Variants in GUCY1A2 observed in about 807,000 individuals in gnomAD.
GUCY1A2 encodes guanylate cyclase 1 soluble subunit alpha 2.
A neutral mutation model predicts 63.5 loss-of-function variants in GUCY1A2; 27 were observed. That is an observed-to-expected ratio of 0.43 (90% CI 0.31 to 0.59). The LOEUF is 0.59. GUCY1A2 is among the 20% of genes least tolerant of loss of function. GUCY1A2 has a pLI of 0.11. For synonymous variants in GUCY1A2, 364 were observed against 343.5 expected, an observed-to-expected ratio of 1.06 and a Z score of -0.66; for missense variants, 768 against 913.3, an observed-to-expected ratio of 0.84 and a Z score of 2.05.
chr11:106,726,862 G>A (rs1298011845), intron 6 of GUCY1A2, among the ~76,000 whole-genome samples: 3 of 152,182 alleles, frequency 2.0e-5, no homozygotes, highest in Admixed American at 2.0e-4. Context: ...AGTTAAATCT[G>A]AATTGAGAGA....
chr11:106,838,519 C>A (rs1859147745), intron 4 of GUCY1A2, among the ~76,000 whole-genome samples: 2 of 151,820 alleles, frequency 1.3e-5, no homozygotes, highest in Admixed American at 6.6e-5. Context: ...AACTAATGGA[C>A]AAACAAATTT....
chr11:106,862,941 A>T (rs140442094), intron 4 of GUCY1A2, among the ~76,000 whole-genome samples: 1,951 of 152,204 alleles, frequency 0.013, 27 homozygotes, highest in South Asian at 0.047. Flanking sequence ...GTAAACTAAG[A>T]GGAAGAAAGA....
intron 4 of GUCY1A2, among the ~76,000 whole-genome samples, chr11:106,877,224 C>G (rs910875214): frequency 5.9e-5 from 9 of 151,942 alleles, no homozygotes; most frequent in African/African-American, 2.2e-4. Context: ...TTTGGGGCTG[C>G]GACTACAGGG....
At chr11:106,859,101 T>G (rs930621729) in intron 4 of GUCY1A2, among the ~76,000 whole-genome samples, 2 of 152,042 alleles carry the variant, frequency 1.3e-5, no homozygotes, top group Non-Finnish European at 2.9e-5. Context: ...TTTGACCTAC[T>G]ACTGACATTA....
intron 1 of GUCY1A2, 77 bp from the exon 2 acceptor site, chr11:106,986,208 C>CAG: frequency 1.3e-6 from 1 of 749,940 alleles, no homozygotes; most frequent in Non-Finnish European, 2.3e-6. Flanking sequence ...CGTAGGCAGA[C>CAG]AGGTGAAGCT....
At chr11:106,951,761 T>A (rs929639152) in intron 3 of GUCY1A2, among the ~76,000 whole-genome samples, 2 of 152,206 alleles carry the variant, frequency 1.3e-5, no homozygotes, top group Non-Finnish European at 2.9e-5. Flanking sequence ...CTTGTCAATT[T>A]TGGATTTTGT....
Position 106,687,775 on chromosome 11 carries a change from GC to G in GUCY1A2, c.1992-20del. The G allele has an allele frequency of 1.3e-6, 2 of 1,521,094 alleles. No individual in the cohort carries two copies. Among genetic ancestry groups the G allele is most frequent in the Non-Finnish European group, 1.8e-6 (2 of 1,095,362 alleles). The allele number at this position is 1,521,094 out of a possible 1,614,324, so 94.2% of individuals were successfully genotyped here. A position where few individuals can be genotyped will look rare whatever the true frequency, so the allele number is the denominator to read the frequency against. ...TAATAATCTAAGAAGAAAATACAGA[GC>G]ACATGAATCAAGTAGGCCAGGGAAA... On this transcript the variant is annotated intron_variant, in intron 7 of 7. Coordinates refer to ENST00000526355, the MANE Select transcript of GUCY1A2 (RefSeq NM_000855.3).
At chr11:106,961,359 C>G (rs1024952709) in intron 3 of GUCY1A2, among the ~76,000 whole-genome samples, 1 of 152,052 alleles carries the variant, frequency 6.6e-6, no homozygotes, top group East Asian at 1.9e-4. Flanking sequence ...AATAGGTAGA[C>G]TTAGGGCTGT....
chr11:106,920,144 C>T (rs1018762394), intron 4 of GUCY1A2, among the ~76,000 whole-genome samples: 51 of 147,472 alleles, frequency 3.5e-4, no homozygotes, highest in African/African-American at 1.2e-3. Context: ...ATTAGGGGAA[C>T]GCCATTAAAA....
At chr11:106,950,329 GCCAGCAGCAGC>G (rs1050082704) in intron 3 of GUCY1A2, among the ~76,000 whole-genome samples, 67 of 152,254 alleles carry the variant, frequency 4.4e-4, no homozygotes, top group Admixed American at 7.8e-4. Flanking sequence ...AAGACACAAA[GCCAGCAGCAGC>G]CCAGCAGCAG....
At chr11:106,912,884 A>G (rs1424316587) in intron 4 of GUCY1A2, among the ~76,000 whole-genome samples, 1 of 152,140 alleles carries the variant, frequency 6.6e-6, no homozygotes, top group Non-Finnish European at 1.5e-5. Flanking sequence ...TTGTTAGCCA[A>G]GTAGGAGTTT....
intron 4 of GUCY1A2, among the ~76,000 whole-genome samples, chr11:106,854,357 G>A (rs1859398045): frequency 6.6e-6 from 1 of 152,206 alleles, no homozygotes; most frequent in African/African-American, 2.4e-5. Flanking sequence ...TGAGTGGCCT[G>A]TCTCTGGGGG....
intron 6 of GUCY1A2, 80 bp from the exon 7 acceptor site, chr11:106,708,746 TTAATAA>T (rs997340284): frequency 1.3e-6 from 1 of 785,564 alleles, no homozygotes; most frequent in Non-Finnish European, 1.9e-6. Context: ...GCACTGCTAA[TTAATAA>T]TAATAATAAT....
intron 4 of GUCY1A2, among the ~76,000 whole-genome samples, chr11:106,899,867 G>A (rs981451539): frequency 1.3e-5 from 2 of 152,132 alleles, no homozygotes; most frequent in Non-Finnish European, 1.5e-5. Context: ...GGCAGATCAC[G>A]AAGTCAGGAG....
Position 106,708,559 on chromosome 11 carries a change from C to T in GUCY1A2, c.1944G>A (p.Glu648=), listed in dbSNP as rs751286162. 2 of 1,612,888 alleles carry T rather than the reference C, an allele frequency of 1.2e-6. No individual in the cohort carries two copies. Among genetic ancestry groups the T allele is most frequent in the East Asian group, 2.2e-5 (1 of 44,768 alleles). The change falls in exon 7 of 8, where the codon GAG becomes GAA. Residue 648 remains glutamate (E), a synonymous_variant. Coordinates refer to ENST00000526355, the MANE Select transcript of GUCY1A2 (RefSeq NM_000855.3). ...TGATGCGCCGAGGGTGACTTCCCGA[C>T]TCGAATTTGCTTGCCAGTGTGACAT... ...GNNVTLASKF[E]SGSHPRRINV...
intron 4 of GUCY1A2, among the ~76,000 whole-genome samples, chr11:106,881,968 A>G (rs1028572001): frequency 1.3e-5 from 2 of 151,978 alleles, no homozygotes; most frequent in Admixed American, 1.3e-4. Flanking sequence ...ATATTCCCAG[A>G]CTATCAATGG....
intron 4 of GUCY1A2, among the ~76,000 whole-genome samples, chr11:106,923,907 T>C (rs59708112): frequency 0.031 from 4,781 of 152,208 alleles, 241 homozygotes; most frequent in African/African-American, 0.11. Context: ...CCCAAGACCA[T>C]TTGTAAAATA....
chr11:106,815,950 C>T (rs962039752), intron 4 of GUCY1A2, among the ~76,000 whole-genome samples: 1 of 151,928 alleles, frequency 6.6e-6, no homozygotes, highest in Non-Finnish European at 1.5e-5. Flanking sequence ...CTGGAGATAG[C>T]ATGGTCCTTT....
chr11:106,824,651 T>C (rs1045436378), intron 4 of GUCY1A2, among the ~76,000 whole-genome samples: 1 of 152,112 alleles, frequency 6.6e-6, no homozygotes, highest in African/African-American at 2.4e-5. Flanking sequence ...GAGCTCATAT[T>C]TGAATAGAAA....
Sources: gnomAD v4.1 joint callset for allele counts (sites outside exome capture counted in the v4.1 genomes callset) on GRCh38, gnomAD v4.1.1 for gene constraint, MANE v1.5 for transcripts, NCBI Gene and HGNC (gene_info 2026-07-23, HGNC 2026-07-21) for gene names.